KRT83: variants seen among roughly 807,000 people sequenced by gnomAD.
KRT83 encodes keratin, type II cuticular Hb3.
In KRT83, 51 loss-of-function variants were observed where a neutral mutation model predicts 52.9. The ratio of observed to expected loss-of-function variants is 0.96; its 90% CI spans 0.77 to 1.22. The LOEUF (loss-of-function observed/expected upper bound fraction) is 1.22. Among genes scored for constraint, KRT83 ranks in the 50% most tolerant of loss-of-function variants. The pLI, the probability that KRT83 is intolerant of heterozygous loss-of-function variation, is 0.00. For missense variants in KRT83, 654 were observed against 666.5 expected (o/e 0.98, Z 0.21); for synonymous variants, 278 against 274.1 (o/e 1.01, Z -0.14).
chr12:52,314,605 G>A lies in KRT83; in HGVS notation c.*26C>T, dbSNP rs1938655950. ...GTGGCACGTCTGGCAGGCAGAAGGG[G>A]CTCCCCTGGCTCTCTTTTGGGCCAC... On this transcript the variant is annotated 3_prime_UTR_variant, in exon 9 of 9. Coordinates refer to ENST00000293670, the MANE Select transcript of KRT83 (RefSeq NM_002282.3). The A allele has an allele frequency of 1.9e-6, 3 of 1,549,180 alleles. No individual in the cohort carries two copies. Among genetic ancestry groups the A allele is most frequent in the Middle Eastern group, 2.2e-4 (1 of 4,476 alleles).
chr12:52,320,177 C>T (rs1938748753), intron 1 of KRT83, among the ~76,000 whole-genome samples: 1 of 151,944 alleles, frequency 6.6e-6, no homozygotes, highest in South Asian at 2.1e-4. Context: ...TTTTTTTTTC[C>T]CGATCCTTTC....
At chr12:52,315,482 T>C (rs1938671921) in intron 7 of KRT83, 139 bp from the exon 8 acceptor site, 1 of 962,070 alleles carries the variant, frequency 1.0e-6, no homozygotes, top group Non-Finnish European at 1.7e-6. Flanking sequence ...TAGAAAAAGT[T>C]GCCTTTCTGG....
Position 52,314,496 on chromosome 12 carries a change from G to A in KRT83, c.*135C>T, listed in dbSNP as rs956056629. On this transcript the variant is annotated 3_prime_UTR_variant, in exon 9 of 9. Coordinates refer to ENST00000293670, the MANE Select transcript of KRT83 (RefSeq NM_002282.3). ...GGATGAAAGGTGGGGAGGAGCCGCT[G>A]GTGGGAATGAGCCGATGGTGTATTC... 13 of 843,284 alleles carry A rather than the reference G, an allele frequency of 1.5e-5. No homozygotes were observed. The highest frequency in any genetic ancestry group is 2.4e-5 in the Non-Finnish European group (12 of 508,432). 52.2% of individuals were successfully genotyped at this position (843,284 alleles called of 1,614,324 possible). A position where few individuals can be genotyped will look rare whatever the true frequency, so the allele number is the denominator to read the frequency against.
In KRT83 at chr12:52,316,454, C is replaced by G. The variant is rs1414176631; in HGVS notation, c.1041+14G>C. 5.0e-6 allele frequency: 8 copies of G among 1,614,038 alleles called. No homozygotes were observed. The South Asian group carries it at 8.8e-5, about 18-fold the overall frequency. ...GTCTCTTCCTACACTGAGGGGTGGG[C>G]CGGGCTCTGGTACCTGGCACTTGGC... On this transcript the variant is annotated intron_variant, in intron 6 of 8. Coordinates refer to ENST00000293670, the MANE Select transcript of KRT83 (RefSeq NM_002282.3).
intron 6 of KRT83, 104 bp from the exon 7 acceptor site, chr12:52,316,217 C>A: frequency 6.8e-7 from 1 of 1,480,704 alleles, no homozygotes; most frequent in Non-Finnish European, 9.1e-7. Flanking sequence ...AAAATATTAT[C>A]TCTCCAATCA....
At position 52,314,800 on chromosome 12, in the gene KRT83, C is replaced by T. The variant is rs1938662017; in HGVS notation, c.1313G>A (p.Gly438Asp). The change falls in exon 9 of 9, where the codon GGT becomes GAT. Residue 438 changes from glycine (G) to aspartate (D), a missense_variant. Transcript: ENST00000293670. ...AVNVCVSSSR[G>D]GVVCGDLCVS... Reference sequence around the variant, plus strand: ...GCAGAGATCCCCGCACACAACCCCACCCCGGGAGCTGCTGACACCTGTGGG... The same window carrying T: ...GCAGAGATCCCCGCACACAACCCCATCCCGGGAGCTGCTGACACCTGTGGG... The T allele has an allele frequency of 6.2e-7, 1 of 1,606,436 alleles. No homozygotes were observed. The highest frequency in any genetic ancestry group is 8.5e-7 in the Non-Finnish European group (1 of 1,177,172).
rs569731610 is a variant in KRT83 at position 52,314,784 on chromosome 12, C to G, written c.1329G>C (p.Gly443=). The G allele has an allele frequency of 6.2e-7, 1 of 1,607,022 alleles. No homozygotes were observed. The highest frequency in any genetic ancestry group is 1.1e-5 in the South Asian group (1 of 89,094). Residue 443 remains glycine, a synonymous_variant, in exon 9 of 9, where the codon GGG becomes GGC. Coordinates refer to ENST00000293670, the MANE Select transcript of KRT83 (RefSeq NM_002282.3). Reference sequence around the variant, plus strand: ...GCCGGGAGCCCGACACGCAGAGATCCCCGCACACAACCCCACCCCGGGAGC... The same window carrying G: ...GCCGGGAGCCCGACACGCAGAGATCGCCGCACACAACCCCACCCCGGGAGC... The part of the protein sequence containing the change: ...VSSSRGGVVC[G]DLCVSGSRPV...
Position 52,319,209 on chromosome 12 carries a change from C to G in KRT83, c.540G>C (p.Arg180Ser). 6.2e-7 allele frequency: 1 copy of G among 1,613,692 alleles called. No individual in the cohort carries two copies. The highest frequency in any genetic ancestry group is 8.5e-7 in the Non-Finnish European group (1 of 1,179,884). ...EAECVEADSG[R>S]LASELNHVQE... ...GCACGTGGTTGAGCTCTGAGGCCAG[C>G]CTCCCACTGTCAGCCTCCACGCACT... Residue 180 changes from arginine (R) to serine (S), a missense_variant, in exon 2 of 9, where the codon AGG becomes AGC. By Grantham distance (110) the Arg-to-Ser change is moderately radical (BLOSUM62 -1). Transcript: ENST00000293670.
chr12:52,320,970 G>T lies in KRT83; in HGVS notation c.366C>A (p.Phe122Leu), dbSNP rs779083731. Residue 122 changes from phenylalanine (F) to leucine (L), a missense_variant, in exon 1 of 9, where the codon TTC becomes TTA. Physicochemically the swap from Phe to Leu is conservative, Grantham distance 22. Transcript: ENST00000293670. ...KEQIKSLNSR[F>L]AAFIDKVRFL... ...CACCCACCTTGTCGATGAAGGCCGCGAATCTGCTGTTGAGGGACTTGATCT... is the reference window on the plus strand; with the variant it reads ...CACCCACCTTGTCGATGAAGGCCGCTAATCTGCTGTTGAGGGACTTGATCT... The T allele has an allele frequency of 1.9e-6, 3 of 1,613,840 alleles. No homozygotes were observed.
chr12:52,316,444 G>A (rs1938688670), intron 6 of KRT83, 24 bp downstream of exon 6: 5 of 1,613,960 alleles, frequency 3.1e-6, no homozygotes, highest in Non-Finnish European at 4.2e-6. Flanking sequence ...TTCCTACACT[G>A]AGGGGTGGGC....
At chr12:52,316,263 C>CAT in intron 6 of KRT83, 150 bp from the exon 7 acceptor site, 2 of 375,956 alleles carry the variant, frequency 5.3e-6, no homozygotes, top group Non-Finnish European at 7.8e-6. Flanking sequence ...ACTTACACTA[C>CAT]ACACACACAC....
intron 4 of KRT83, 122 bp from the exon 5 acceptor site, chr12:52,317,145 T>A: frequency 8.0e-7 from 1 of 1,245,106 alleles, no homozygotes. Flanking sequence ...ACAAACCTGA[T>A]GAAATCACAT....
rs1384531531 is a variant in KRT83 at position 52,316,501 on chromosome 12, C to G, written c.1008G>C (p.Arg336Ser). 1 of 1,614,172 alleles carries G rather than the reference C, an allele frequency of 6.2e-7. No individual in the cohort carries two copies. The highest frequency in any genetic ancestry group is 1.1e-5 in the South Asian group (1 of 91,086). The change falls in exon 6 of 9, where the codon AGG (arginine) becomes AGC (serine). Residue 336 changes from arginine (R) to serine (S), a missense_variant. Arg to Ser is a moderately radical substitution (Grantham distance 110, BLOSUM62 -1). Coordinates refer to ENST00000293670, the MANE Select transcript of KRT83 (RefSeq NM_002282.3). ...EINELNRMIQ[R>S]LTAEVENAKC... Reference sequence around the variant, plus strand: ...TGGCATTCTCCACCTCGGCTGTCAGCCTCTGGATCATGCGGTTCAGCTCGT... The same window carrying G: ...TGGCATTCTCCACCTCGGCTGTCAGGCTCTGGATCATGCGGTTCAGCTCGT...
Position 52,321,223 on chromosome 12 carries a change from C to T in KRT83, c.113G>A (p.Arg38His), listed in dbSNP as rs1555189508. The T allele has an allele frequency of 1.2e-5, 19 of 1,613,268 alleles. 1 individual carries two copies. The South Asian group carries it at 1.5e-4, about 13-fold the overall frequency. The change falls in exon 1 of 9, where the codon CGC becomes CAC. Residue 38 changes from arginine to histidine, a missense_variant. By Grantham distance (29) the Arg-to-His change is conservative. Transcript: ENST00000293670. ...GAGGCCGCGGTAGCAGGAGATGCCG[C>T]GGTAGGGGGCGGCGGTGATGCAGCA... ...SRCCITAAPY[R>H]GISCYRGLTG...
In KRT83 at chr12:52,315,961, C is replaced by T. The variant is rs541107858; in HGVS notation, c.1194G>A (p.Met398Ile). The T allele has an allele frequency of 9.3e-6, 15 of 1,613,072 alleles. 1 individual carries two copies. Among genetic ancestry groups the T allele is most frequent in the African/African-American group, 8.0e-5 (6 of 75,020 alleles). The change falls in exon 7 of 9, where the codon ATG becomes ATA. Residue 398 changes from methionine (M) to isoleucine (I), a missense_variant. Met to Ile is a conservative substitution (Grantham distance 10). Coordinates refer to ENST00000293670, the MANE Select transcript of KRT83 (RefSeq NM_002282.3). ...CGATATCCAGGCCTAGCTTGGAGTT[C>T]ATCACCTCCTGGTACTCCCTGATCA... Reference protein sequence around the residue: ...ACLIREYQEVMNSKLGLDIEI... With the variant: ...ACLIREYQEVINSKLGLDIEI...
rs577669507 is a variant in KRT83, at chr12:52,316,281, C to T, written c.1042-168G>A. On this transcript the variant is annotated intron_variant, in intron 6 of 8. Coordinates refer to ENST00000293670, the MANE Select transcript of KRT83 (RefSeq NM_002282.3). ...TACACTACACACACACACACACACA[C>T]ACACCACACAGATACACACACACAC... Among the ~76,000 whole-genome samples, 228 of 151,390 alleles carry T rather than the reference C, an allele frequency of 1.5e-3. 3 individuals carry two copies. Among genetic ancestry groups the T allele is most frequent in the African/African-American group, 5.4e-3 (223 of 41,216 alleles).
intron 2 of KRT83, among the ~76,000 whole-genome samples, chr12:52,318,782 C>T (rs1409906696): frequency 1.3e-5 from 2 of 152,210 alleles, no homozygotes; most frequent in African/African-American, 4.8e-5. Flanking sequence ...TTGCGTGGCC[C>T]TGTGTCACTA....
rs752369680 is a variant in KRT83 at position 52,321,190 on chromosome 12, C to G, written c.146G>C (p.Gly49Ala). The G allele has an allele frequency of 1.9e-6, 3 of 1,612,954 alleles. No individual in the cohort carries two copies. In the South Asian group the frequency reaches 3.3e-5, roughly 18 times the overall value. Residue 49 changes from glycine to alanine, a missense_variant, in exon 1 of 9, where the codon GGC becomes GCC. Gly to Ala is a moderately conservative substitution (Grantham distance 60, BLOSUM62 0). Transcript: ENST00000293670. ...CCCGCACACGCTGTGGCTGCCAAAG[C>G]CCCCGGTGAGGCCGCGGTAGCAGGA... ...GISCYRGLTG[G>A]FGSHSVCGGF... is the part of the protein sequence containing the mutation.
At chr12:52,314,904 C>A in intron 8 of KRT83, 86 bp from the exon 9 acceptor site, 1 of 1,328,964 alleles carries the variant, frequency 7.5e-7, no homozygotes, top group South Asian at 1.3e-5. Flanking sequence ...GATGTGTCGA[C>A]CATCCAGGGA....
Sources: gnomAD v4.1 joint callset for allele counts (sites outside exome capture counted in the v4.1 genomes callset) on GRCh38, gnomAD v4.1.1 for gene constraint, MANE v1.5 for transcripts, NCBI Gene and HGNC (gene_info 2026-07-23, HGNC 2026-07-21) for gene names.